Variants in NARS2 observed in about 807,000 individuals in gnomAD.
NARS2 encodes the protein asparaginyl-tRNA synthetase.
In NARS2, 60 loss-of-function variants were observed where a neutral mutation model predicts 62.9. The ratio of observed to expected loss-of-function variants is 0.95; its 90% CI spans 0.77 to 1.18. The LOEUF is 1.18. Among genes scored for constraint, NARS2 ranks in the 50% most tolerant of loss-of-function variants. NARS2 has a pLI of 0.00. For synonymous variants in NARS2, 196 were observed against 200.0 expected (o/e 0.98, Z 0.17); for missense variants, 619 against 576.4 (o/e 1.07, Z -0.76).
At chr11:78,563,066 A>G (rs1031939932) in intron 4 of NARS2, among the ~76,000 whole-genome samples, 1 of 152,182 alleles carries the variant, frequency 6.6e-6, no homozygotes, top group African/African-American at 2.4e-5. Context: ...AAAGGTAGAT[A>G]ACTATCACAC....
intron 9 of NARS2, among the ~76,000 whole-genome samples, chr11:78,475,722 G>C (rs1241550612): frequency 5.3e-5 from 8 of 149,750 alleles, no homozygotes; most frequent in African/African-American, 7.4e-5. Flanking sequence ...TTAGTCTCCT[G>C]AGTAGCTGGC....
At chr11:78,516,449 C>T (rs1055315533) in intron 6 of NARS2, among the ~76,000 whole-genome samples, 5 of 152,320 alleles carry the variant, frequency 3.3e-5, no homozygotes, top group Middle Eastern at 3.4e-3. Context: ...TTCAATTTGA[C>T]GTAGACAAGG....
intron 11 of NARS2, among the ~76,000 whole-genome samples, chr11:78,450,371 C>T (rs1163873493): frequency 6.6e-6 from 1 of 152,164 alleles, no homozygotes; most frequent in Admixed American, 6.5e-5. Context: ...GATACAGTCC[C>T]ACACCACTAC....
At chr11:78,535,361 T>C (rs970306408) in intron 5 of NARS2, among the ~76,000 whole-genome samples, 1 of 152,202 alleles carries the variant, frequency 6.6e-6, no homozygotes, top group African/African-American at 2.4e-5. Flanking sequence ...TTGAGAGAAA[T>C]GGTACAATAT....
chr11:78,482,578 G>A (rs1326257465), intron 7 of NARS2, among the ~76,000 whole-genome samples: 1 of 152,162 alleles, frequency 6.6e-6, no homozygotes, highest in African/African-American at 2.4e-5. Flanking sequence ...AGATCCCATA[G>A]AAATACAAAC....
chr11:78,541,370 G>A (rs552341233), intron 5 of NARS2, among the ~76,000 whole-genome samples: 32 of 148,164 alleles, frequency 2.2e-4, no homozygotes, highest in African/African-American at 4.5e-4. Flanking sequence ...TTGCTATGTC[G>A]CCCAGGCTGG....
At chr11:78,561,787 C>A (rs564130522) in intron 4 of NARS2, among the ~76,000 whole-genome samples, 1 of 152,160 alleles carries the variant, frequency 6.6e-6, no homozygotes, top group African/African-American at 2.4e-5. Flanking sequence ...AGGCCAGGAG[C>A]AGTGTCTCAC....
chr11:78,559,177 C>G (rs972882626), intron 5 of NARS2, among the ~76,000 whole-genome samples: 2 of 151,950 alleles, frequency 1.3e-5, no homozygotes, highest in Non-Finnish European at 2.9e-5. Flanking sequence ...GTGGCAGGCA[C>G]CTGTAGTACC....
intron 6 of NARS2, among the ~76,000 whole-genome samples, chr11:78,509,418 CAT>C (rs1174417195): frequency 2.6e-5 from 4 of 152,014 alleles, no homozygotes; most frequent in Admixed American, 2.0e-4. Context: ...AAAGTAAACA[CAT>C]GATTATAATT....
At chr11:78,542,255 A>C (rs1471035855) in intron 5 of NARS2, among the ~76,000 whole-genome samples, 1 of 152,248 alleles carries the variant, frequency 6.6e-6, no homozygotes, top group African/African-American at 2.4e-5. Context: ...TCTGAGAAAG[A>C]ATGAATCAAG....
chr11:78,439,848 T>A (rs1295966970), intron 13 of NARS2, among the ~76,000 whole-genome samples: 2 of 151,992 alleles, frequency 1.3e-5, no homozygotes, highest in East Asian at 1.9e-4. Context: ...AAATAAAAAA[T>A]GTATATATAT....
intron 3 of NARS2, among the ~76,000 whole-genome samples, chr11:78,568,228 A>G (rs1280850766): frequency 6.6e-6 from 1 of 152,182 alleles, no homozygotes. Context: ...GAGGAACTGG[A>G]TTTTTTTAAT....
intron 6 of NARS2, among the ~76,000 whole-genome samples, chr11:78,508,519 G>A (rs1295782388): frequency 1.3e-5 from 2 of 151,348 alleles, no homozygotes; most frequent in African/African-American, 4.9e-5. Flanking sequence ...AACCCAAGAG[G>A]CAGAGGTTGC....
intron 12 of NARS2, among the ~76,000 whole-genome samples, chr11:78,441,710 CAA>C (rs773790665): frequency 5.5e-5 from 7 of 127,304 alleles, no homozygotes; most frequent in Admixed American, 8.1e-5. Flanking sequence ...GACTCCATCT[CAA>C]AAAAAAAAAA....
At chr11:78,508,267 T>C (rs1304094604) in intron 6 of NARS2, among the ~76,000 whole-genome samples, 1 of 151,696 alleles carries the variant, frequency 6.6e-6, no homozygotes, top group East Asian at 1.9e-4. Context: ...CGACCCAACA[T>C]ATGCATGTGG....
intron 5 of NARS2, among the ~76,000 whole-genome samples, chr11:78,543,672 T>C (rs1211018159): frequency 1.3e-5 from 2 of 151,996 alleles, no homozygotes; most frequent in African/African-American, 4.8e-5. Context: ...CAGGAATAGA[T>C]ACAACAAAAA....
At chr11:78,471,142 A>C (rs1283676471) in intron 9 of NARS2, among the ~76,000 whole-genome samples, 1 of 152,168 alleles carries the variant, frequency 6.6e-6, no homozygotes, top group Non-Finnish European at 1.5e-5. Flanking sequence ...TAAGGTAATA[A>C]TGGTGGTGGC....
chr11:78,503,884 G>A (rs1163059629), intron 6 of NARS2, among the ~76,000 whole-genome samples: 1 of 152,190 alleles, frequency 6.6e-6, no homozygotes, highest in African/African-American at 2.4e-5. Context: ...GGCATGCTCT[G>A]CCATGCCAGG....
chr11:78,488,436 G>T (rs999654412), intron 7 of NARS2, among the ~76,000 whole-genome samples: 5 of 152,118 alleles, frequency 3.3e-5, no homozygotes, highest in Non-Finnish European at 5.9e-5. Context: ...AATGCAGGCA[G>T]TCTCTAGAAA....
Sources: gnomAD v4.1 joint callset for allele counts (sites outside exome capture counted in the v4.1 genomes callset) on GRCh38, gnomAD v4.1.1 for gene constraint, MANE v1.5 for transcripts, NCBI Gene and HGNC (gene_info 2026-07-23, HGNC 2026-07-21) for gene names.